The following STK32B variants were observed in gnomAD, a reference collection of about 807,000 sequenced individuals.
STK32B encodes serine/threonine-protein kinase 32B.
A neutral mutation model predicts 52.6 loss-of-function variants in STK32B; 43 were observed. The observed-to-expected ratio is 0.82, with a 90% CI of 0.64 to 1.05. The LOEUF is 1.05. Among genes scored for constraint, STK32B ranks in the 50% least tolerant of loss-of-function variants. The probability of loss-of-function intolerance (pLI) is 0.00; values close to 1 mark genes in which losing one functional copy is unlikely to be tolerated. For missense variants in STK32B, 621 were observed against 534.6 expected (o/e 1.16, Z -1.59); for synonymous variants, 238 against 204.3 (o/e 1.17, Z -1.41).
chr4:5,250,231 T>C (rs1376759429), intron 3 of STK32B, among the ~76,000 whole-genome samples: 1 of 152,006 alleles, frequency 6.6e-6, no homozygotes, highest in East Asian at 1.9e-4. Context: ...TGTGCCTTTA[T>C]AATAAAACAA....
intron 1 of STK32B, among the ~76,000 whole-genome samples, chr4:5,089,343 C>T (rs1452737925): frequency 6.6e-6 from 1 of 152,088 alleles, no homozygotes. Flanking sequence ...TCCTCAACCC[C>T]ATCCCACAAC....
intron 6 of STK32B, among the ~76,000 whole-genome samples, chr4:5,428,811 G>A (rs531547069): frequency 5.5e-4 from 84 of 152,172 alleles, no homozygotes; most frequent in South Asian, 5.2e-3. Flanking sequence ...GGATCATTAC[G>A]TCTTCTTGAT....
At chr4:5,195,690 C>CA (rs1308648379) in intron 3 of STK32B, among the ~76,000 whole-genome samples, 1 of 152,128 alleles carries the variant, frequency 6.6e-6, no homozygotes, top group Non-Finnish European at 1.5e-5. Context: ...GACTCCGTCT[C>CA]AAAGAATATT....
chr4:5,327,836 A>T lies in STK32B; in HGVS notation c.261-3384A>T, dbSNP rs373910912. 4.6e-5 allele frequency among the ~76,000 whole-genome samples: 7 copies of T among 152,204 alleles called. No homozygotes were observed. The East Asian group carries it at 1.3e-3, about 29-fold the overall frequency. On this transcript the variant is annotated intron_variant, in intron 3 of 11. Transcript: ENST00000282908. Reference sequence around the variant, plus strand: ...AGGCATTGACTTCTCCTCTCCAGCTATGAAAGTCCTAAATGACATCTACTT... The same window carrying T: ...AGGCATTGACTTCTCCTCTCCAGCTTTGAAAGTCCTAAATGACATCTACTT...
At chr4:5,429,168 C>T (rs1375792364) in intron 6 of STK32B, among the ~76,000 whole-genome samples, 1 of 152,138 alleles carries the variant, frequency 6.6e-6, no homozygotes, top group Non-Finnish European at 1.5e-5. Context: ...TTTTTCTATC[C>T]TTTTATTTCT....
intron 3 of STK32B, among the ~76,000 whole-genome samples, chr4:5,232,380 T>C (rs561459348): frequency 6.6e-6 from 1 of 152,316 alleles, no homozygotes; most frequent in East Asian, 1.9e-4. Flanking sequence ...ATAATGAAAA[T>C]ATCTGCACTT....
In STK32B at chr4:5,157,320, A is replaced by T. The variant is rs1046167813; in HGVS notation, c.109-10979A>T. ...GATGTAAAAAAAAAAAAAAAAAAAAAGCTGAACAAGGTTCCTGACACTGAA... is the reference window on the plus strand; with the variant it reads ...GATGTAAAAAAAAAAAAAAAAAAAATGCTGAACAAGGTTCCTGACACTGAA... On this transcript the variant is annotated intron_variant, in intron 2 of 11. Coordinates refer to ENST00000282908, the MANE Select transcript of STK32B (RefSeq NM_018401.3). 1.9e-4 allele frequency among the ~76,000 whole-genome samples: 28 copies of T among 146,008 alleles called. No individual in the cohort carries two copies. The East Asian group carries it at 4.8e-3, about 25-fold the overall frequency.
At chr4:5,451,790 C>A (rs1350871795) in intron 7 of STK32B, among the ~76,000 whole-genome samples, 1 of 152,178 alleles carries the variant, frequency 6.6e-6, no homozygotes, top group Non-Finnish European at 1.5e-5. Flanking sequence ...TGCCACATAT[C>A]CCCTGGGGGA....
chr4:5,174,388 T>TC (rs1719650079), intron 3 of STK32B, among the ~76,000 whole-genome samples: 1 of 152,220 alleles, frequency 6.6e-6, no homozygotes, highest in African/African-American at 2.4e-5. Context: ...TGCAGTTTCT[T>TC]CCTAGCCTCG....
intron 2 of STK32B, among the ~76,000 whole-genome samples, chr4:5,154,328 G>A (rs754773719): frequency 6.6e-6 from 1 of 150,820 alleles, no homozygotes; most frequent in Non-Finnish European, 1.5e-5. Context: ...TGATTCTGCT[G>A]CCTCAGCCTC....
intron 6 of STK32B, among the ~76,000 whole-genome samples, chr4:5,442,229 G>T (rs1003956283): frequency 6.9e-6 from 1 of 145,024 alleles, no homozygotes; most frequent in Non-Finnish European, 1.5e-5. Flanking sequence ...TTATTAATGT[G>T]TGGGAGTCTA....
intron 3 of STK32B, among the ~76,000 whole-genome samples, chr4:5,318,948 C>T (rs1041161600): frequency 3.3e-5 from 5 of 151,938 alleles, no homozygotes; most frequent in African/African-American, 9.7e-5. Flanking sequence ...TACAGGTGCC[C>T]GCCACCATGC....
At chr4:5,041,895 A>C in the STK32B span, among the ~76,000 whole-genome samples, 1 of 152,044 alleles carries the variant, frequency 6.6e-6, no homozygotes, top group Non-Finnish European at 1.5e-5. Context: ...AGCAAACCAG[A>C]CTCAAGTTTT....
intron 3 of STK32B, among the ~76,000 whole-genome samples, chr4:5,179,703 A>G (rs1363106746): frequency 1.3e-5 from 2 of 152,018 alleles, no homozygotes; most frequent in Non-Finnish European, 2.9e-5. Context: ...TTTGCACACT[A>G]CAGGGGTCAG....
chr4:5,098,619 G>A (rs943938721), intron 1 of STK32B, among the ~76,000 whole-genome samples: 8 of 152,226 alleles, frequency 5.3e-5, no homozygotes, highest in African/African-American at 1.7e-4. Context: ...GACTTCTCAA[G>A]GTGAAATCAC....
intron 3 of STK32B, among the ~76,000 whole-genome samples, chr4:5,258,608 A>G (rs980833070): frequency 9.9e-5 from 15 of 152,004 alleles, no homozygotes; most frequent in Admixed American, 4.6e-4. Flanking sequence ...CCCACCCTAC[A>G]TCTAATCCAT....
chr4:5,059,371 G>C, intron 1 of STK32B, among the ~76,000 whole-genome samples: 1 of 151,988 alleles, frequency 6.6e-6, no homozygotes, highest in African/African-American at 2.4e-5. Context: ...TTTATTGCAC[G>C]GAAGATGTTT....
chr4:5,093,734 C>G (rs948856407), intron 1 of STK32B, among the ~76,000 whole-genome samples: 11 of 152,140 alleles, frequency 7.2e-5, no homozygotes, highest in African/African-American at 2.7e-4. Context: ...CCATGTGATG[C>G]TAATAATCTC....
chr4:5,058,431 C>A lies in STK32B; in HGVS notation c.52+6516C>A, dbSNP rs1401317237. 6.6e-5 allele frequency among the ~76,000 whole-genome samples: 10 copies of A among 152,226 alleles called. No individual in the cohort carries two copies. Among genetic ancestry groups the A allele is most frequent in the Admixed American group, 3.9e-4 (6 of 15,286 alleles). ...TCCATCTTGGAGCAACCACAGTGAT[C>A]TACATGGTGGAACTTATTTCAGTCT... is the stretch of plus-strand genomic sequence containing the variant. On this transcript the variant is annotated intron_variant, in intron 1 of 11. Transcript: ENST00000282908. The surrounding 1 kb of genome is among the most constrained non-coding windows in gnomAD (Gnocchi z 4.8).
Sources: gnomAD v4.1 joint callset for allele counts (sites outside exome capture counted in the v4.1 genomes callset) on GRCh38, gnomAD v4.1.1 for gene constraint, Gnocchi (gnomAD v3.1) non-coding constraint, MANE v1.5 for transcripts, NCBI Gene and HGNC (gene_info 2026-07-23, HGNC 2026-07-21) for gene names.